IDE: variants seen among roughly 807,000 people sequenced by gnomAD.
IDE encodes the protein insulin-degrading enzyme.
Under a neutral mutation model 133.2 loss-of-function variants are expected in IDE, and 58 were observed. The ratio of observed to expected loss-of-function variants is 0.44; its 90% confidence interval spans 0.35 to 0.54. The LOEUF is 0.54. IDE is among the 20% of genes least tolerant of loss of function. The pLI is 0.00. For missense variants in IDE, 981 were observed against 1,234.0 expected, an observed-to-expected ratio of 0.79 and a Z score of 3.07; for synonymous variants, 396 against 421.3, an observed-to-expected ratio of 0.94 and a Z score of 0.73.
chr10:92,522,157 G>A (rs1024657805), intron 4 of IDE, among the ~76,000 whole-genome samples: 2 of 152,184 alleles, frequency 1.3e-5, no homozygotes, highest in Admixed American at 6.5e-5. Flanking sequence ...GATTTGGTGT[G>A]TTATTATGTT....
intron 14 of IDE, among the ~76,000 whole-genome samples, chr10:92,481,968 T>A (rs1846638068): frequency 6.6e-6 from 1 of 152,190 alleles, no homozygotes; most frequent in African/African-American, 2.4e-5. Flanking sequence ...GTAATGCCCT[T>A]TACCAATAAT....
At chr10:92,560,525 G>C (rs1419984122) in intron 1 of IDE, among the ~76,000 whole-genome samples, 1 of 152,158 alleles carries the variant, frequency 6.6e-6, no homozygotes, top group Non-Finnish European at 1.5e-5. Flanking sequence ...GCTCACACCT[G>C]TAATCCCAGC....
At chr10:92,563,429 G>A (rs894836205) in intron 1 of IDE, among the ~76,000 whole-genome samples, 9 of 151,306 alleles carry the variant, frequency 5.9e-5, no homozygotes, top group Admixed American at 2.0e-4. Flanking sequence ...TCCAGCCTGG[G>A]CTACAGAGTG....
intron 21 of IDE, among the ~76,000 whole-genome samples, chr10:92,462,544 T>G (rs965146120): frequency 1.3e-5 from 2 of 151,700 alleles, no homozygotes; most frequent in Non-Finnish European, 1.5e-5. Context: ...AGGTGGAGGT[T>G]GCGGTGAGCC....
intron 2 of IDE, among the ~76,000 whole-genome samples, chr10:92,535,017 T>C (rs539317069): frequency 2.6e-3 from 401 of 152,344 alleles, no homozygotes; most frequent in Non-Finnish European, 4.4e-3. Context: ...GGTTACTTAG[T>C]GTCTCTGAAC....
At chr10:92,528,728 T>G (rs996460891) in intron 4 of IDE, among the ~76,000 whole-genome samples, 1 of 152,140 alleles carries the variant, frequency 6.6e-6, no homozygotes, top group Non-Finnish European at 1.5e-5. Flanking sequence ...CAATGTGTGG[T>G]TTTTATTCAT....
At chr10:92,472,887 C>T (rs916026852) in intron 17 of IDE, among the ~76,000 whole-genome samples, 13 of 150,780 alleles carry the variant, frequency 8.6e-5, no homozygotes, top group South Asian at 6.3e-4. Flanking sequence ...CCGCCCGCCT[C>T]GGCCTCCCAA....
intron 11 of IDE, among the ~76,000 whole-genome samples, chr10:92,496,585 A>G (rs768872189): frequency 6.6e-6 from 1 of 152,190 alleles, no homozygotes; most frequent in African/African-American, 2.4e-5. Flanking sequence ...CAGGAGTTCA[A>G]GACCAGCCTG....
At chr10:92,525,769 A>C (rs74889335) in intron 4 of IDE, among the ~76,000 whole-genome samples, 1 of 135,952 alleles carries the variant, frequency 7.4e-6, no homozygotes, top group African/African-American at 2.9e-5. Context: ...AAAAAAAAAA[A>C]ACCAAGAAAG....
intron 24 of IDE, among the ~76,000 whole-genome samples, chr10:92,454,936 C>A (rs1844912668): frequency 6.6e-6 from 1 of 152,082 alleles, no homozygotes; most frequent in Non-Finnish European, 1.5e-5. Context: ...TAATGTCAAT[C>A]CTTCTAGATG....
chr10:92,471,304 T>C (rs541215033), intron 17 of IDE, among the ~76,000 whole-genome samples: 2 of 152,304 alleles, frequency 1.3e-5, no homozygotes, highest in South Asian at 4.1e-4. Context: ...CTAAAATCAG[T>C]GATAGACATT....
At chr10:92,554,605 T>C (rs1842926096) in intron 1 of IDE, 1 of 151,554 alleles carries the variant, frequency 6.6e-6, no homozygotes, top group African/African-American at 2.4e-5. Flanking sequence ...CCCAACACTT[T>C]GAGAGGCCAA....
chr10:92,509,939 A>C (rs577420632), intron 6 of IDE, 111 bp downstream of exon 6: 108 of 548,356 alleles, frequency 2.0e-4, no homozygotes, highest in African/African-American at 1.7e-3. Flanking sequence ...AAAAAAAAAA[A>C]CACAACATAA....
intron 4 of IDE, among the ~76,000 whole-genome samples, chr10:92,526,552 G>A (rs1849631362): frequency 6.6e-6 from 1 of 152,100 alleles, no homozygotes; most frequent in Non-Finnish European, 1.5e-5. Context: ...CTGGGGCTTA[G>A]AGAAGTTAAG....
At chr10:92,461,306 G>A in intron 21 of IDE, 54 bp from the exon 22 acceptor site, 1 of 845,944 alleles carries the variant, frequency 1.2e-6, no homozygotes, top group South Asian at 1.4e-5. Flanking sequence ...AAGCAGCCCA[G>A]AACAGTACAC....
At chr10:92,506,798 G>A (rs1259907262) in intron 9 of IDE, among the ~76,000 whole-genome samples, 1 of 151,840 alleles carries the variant, frequency 6.6e-6, no homozygotes, top group Non-Finnish European at 1.5e-5. Flanking sequence ...GATATGGCTC[G>A]ATAGCCTAAG....
At chr10:92,518,324 T>C (rs893644311) in intron 4 of IDE, among the ~76,000 whole-genome samples, 1 of 152,162 alleles carries the variant, frequency 6.6e-6, no homozygotes, top group East Asian at 1.9e-4. Flanking sequence ...GTTACTTTAC[T>C]TCTCTGTGGC....
At chr10:92,565,243 CAGAA>C (rs1843477787) in intron 1 of IDE, among the ~76,000 whole-genome samples, 1 of 119,630 alleles carries the variant, frequency 8.4e-6, no homozygotes, top group Admixed American at 8.9e-5. Flanking sequence ...GACTCTGTCT[CAGAA>C]AAAAAAAAAA....
intron 1 of IDE, among the ~76,000 whole-genome samples, chr10:92,551,321 G>C (rs937802779): frequency 6.6e-6 from 1 of 152,188 alleles, no homozygotes; most frequent in Non-Finnish European, 1.5e-5. Flanking sequence ...TGCAATCCCA[G>C]CACTTTGGGA....
Sources: gnomAD v4.1 joint callset for allele counts (sites outside exome capture counted in the v4.1 genomes callset) on GRCh38, gnomAD v4.1.1 for gene constraint, MANE v1.5 for transcripts, NCBI Gene and HGNC (gene_info 2026-07-23, HGNC 2026-07-21) for gene names.